The following ANKRD36 variants were observed in gnomAD, a reference collection of about 807,000 sequenced individuals.
ANKRD36 encodes ankyrin repeat domain-containing protein 36A.
Under a neutral mutation model 278.1 loss-of-function variants are expected in ANKRD36, and 179 were observed. The ratio of observed to expected loss-of-function variants is 0.64; its 90% CI spans 0.57 to 0.73. The LOEUF (loss-of-function observed/expected upper bound fraction) is 0.73, where lower values mean the gene tolerates loss of function less well. Among genes scored for constraint, ANKRD36 ranks in the 30% least tolerant of loss-of-function variants. ANKRD36 has a pLI of 0.00. For synonymous variants in ANKRD36, 320 were observed against 641.1 expected (o/e 0.50, Z 7.57); for missense variants, 1,159 against 1,956.7 (o/e 0.59, Z 7.69).
chr2:97,154,023 T>C (rs377506021), intron 14 of ANKRD36, among the ~76,000 whole-genome samples: 12 of 148,404 alleles, frequency 8.1e-5, no homozygotes, highest in South Asian at 2.1e-4. Flanking sequence ...TAATTTTTAA[T>C]GTTTTAATCT....
At chr2:97,261,535 G>A (rs1461391427) in intron 75 of ANKRD36, among the ~76,000 whole-genome samples, 1 of 126,350 alleles carries the variant, frequency 7.9e-6, no homozygotes, top group Non-Finnish European at 1.5e-5. Context: ...ATTTTTGAAT[G>A]TATTTAGACC....
chr2:97,134,857 A>G (rs2041081997), intron 6 of ANKRD36, among the ~76,000 whole-genome samples: 2 of 151,962 alleles, frequency 1.3e-5, no homozygotes, highest in African/African-American at 4.8e-5. Flanking sequence ...AGGAAACAAG[A>G]CTCAGATTGG....
At chr2:97,240,398 GT>G (rs1224894642) in intron 68 of ANKRD36, among the ~76,000 whole-genome samples, 3 of 149,576 alleles carry the variant, frequency 2.0e-5, no homozygotes, top group African/African-American at 7.4e-5. Context: ...TTCTTAGGAA[GT>G]TTCCTAGTAC....
chr2:97,131,426 T>C (rs2040120628), intron 6 of ANKRD36, among the ~76,000 whole-genome samples: 1 of 152,048 alleles, frequency 6.6e-6, no homozygotes, highest in Non-Finnish European at 1.5e-5. Context: ...CTCAAACTTT[T>C]GGCTTCAAGT....
At chr2:97,144,375 T>C in intron 8 of ANKRD36, 143 bp from the exon 9 acceptor site, 1 of 1,221,060 alleles carries the variant, frequency 8.2e-7, no homozygotes. Context: ...GTCATGTTCC[T>C]GTCCCAATAC....
intron 36 of ANKRD36, among the ~76,000 whole-genome samples, chr2:97,192,025 A>G (rs915189370): frequency 4.6e-5 from 7 of 151,732 alleles, no homozygotes; most frequent in African/African-American, 1.7e-4. Flanking sequence ...AGAAATAAAA[A>G]TTATGTTGGA....
At chr2:97,117,708 G>T (rs915374877) in intron 1 of ANKRD36, among the ~76,000 whole-genome samples, 21 of 152,016 alleles carry the variant, frequency 1.4e-4, no homozygotes, top group African/African-American at 4.8e-4. Flanking sequence ...ATTTGTGTTA[G>T]AAAGTGTTCT....
At chr2:97,178,439 CAAT>C (rs1224095166) in intron 22 of ANKRD36, among the ~76,000 whole-genome samples, 2 of 151,734 alleles carry the variant, frequency 1.3e-5, no homozygotes, top group African/African-American at 4.8e-5. Flanking sequence ...AAATGTCCAA[CAAT>C]GATAGACTGG....
At chr2:97,185,803 C>T (rs563707238) in intron 30 of ANKRD36, among the ~76,000 whole-genome samples, 8 of 151,834 alleles carry the variant, frequency 5.3e-5, no homozygotes, top group Non-Finnish European at 1.0e-4. Flanking sequence ...AATTCTACAG[C>T]ATGTTTTCAC....
rs760854784 is a variant in ANKRD36, at chr2:97,185,160, G to T, written c.1940-156G>T. ...TGAAACCTGTATTTCTTTTTTTTCAGTGTATTTCTGGTCATGTTCCAGTCC... is the reference window on the plus strand; with the variant it reads ...TGAAACCTGTATTTCTTTTTTTTCATTGTATTTCTGGTCATGTTCCAGTCC... On this transcript the variant is annotated intron_variant, in intron 28 of 75. Coordinates refer to ENST00000420699, the MANE Select transcript of ANKRD36 (RefSeq NM_001354587.1). Among the ~76,000 whole-genome samples, 28 of 151,462 alleles carry T rather than the reference G, an allele frequency of 1.8e-4. 1 individual carries two copies. Among genetic ancestry groups the T allele is most frequent in the South Asian group, 1.7e-3 (8 of 4,750 alleles).
At chr2:97,129,576 G>A (rs1435055799) in intron 6 of ANKRD36, among the ~76,000 whole-genome samples, 1 of 152,002 alleles carries the variant, frequency 6.6e-6, no homozygotes, top group Non-Finnish European at 1.5e-5. Flanking sequence ...TATTGCCTAG[G>A]TTTTCTTGTA....
At chr2:97,228,397 C>G (rs1285132282) in intron 67 of ANKRD36, among the ~76,000 whole-genome samples, 1 of 152,092 alleles carries the variant, frequency 6.6e-6, no homozygotes, top group Non-Finnish European at 1.5e-5. Flanking sequence ...TTATGCATTT[C>G]TTCTAGATTT....
At chr2:97,263,209 G>A (rs2076921915) in intron 75 of ANKRD36, among the ~76,000 whole-genome samples, 1 of 132,620 alleles carries the variant, frequency 7.5e-6, no homozygotes, top group Non-Finnish European at 1.5e-5. Context: ...AACAGTGAAG[G>A]CCATGCTGTT....
rs1468632403 is a variant in ANKRD36 at position 97,217,185 on chromosome 2, C to G, written c.3682C>G (p.Gln1228Glu). 8.4e-6 allele frequency: 13 copies of G among 1,551,164 alleles called. 1 individual carries two copies. The Admixed American group carries it at 2.5e-4, about 30-fold the overall frequency. The change falls in exon 63 of 76, where the codon CAG becomes GAG. Residue 1228 changes from glutamine to glutamate, a missense_variant. Physicochemically the swap from Gln to Glu is conservative, Grantham distance 29 (BLOSUM62 2). Coordinates refer to ENST00000420699, the MANE Select transcript of ANKRD36 (RefSeq NM_001354587.1). ...TTTCTTTTACTTTTCAGTGTCTCCT[C>G]AGAAACAATCGGCCCAGAAGGTAGT... ...DGQIRGTVSP[Q>E]KQSAQKVIFK...
In ANKRD36 at chr2:97,191,145, G is replaced by A. The variant is rs1346394715; in HGVS notation, c.2311G>A (p.Ala771Thr). Residue 771 changes from alanine to threonine, a missense_variant, in exon 36 of 76, where the codon GCC (alanine) becomes ACC (threonine). Physicochemically the swap from Ala to Thr is moderately conservative, Grantham distance 58 (BLOSUM62 0). Coordinates refer to ENST00000420699, the MANE Select transcript of ANKRD36 (RefSeq NM_001354587.1). Reference sequence around the variant, plus strand: ...TGAGAAAGATTCTGTTTCGAACATAGCCACAGAAATAAAGGATGGAGAAAA... The same window carrying A: ...TGAGAAAGATTCTGTTTCGAACATAACCACAGAAATAAAGGATGGAGAAAA... ...TDEKDSVSNI[A>T]TEIKDGEKSG... 1 of 1,598,888 alleles carries A rather than the reference G, an allele frequency of 6.3e-7. No homozygotes were observed. The highest frequency in any genetic ancestry group is 1.1e-5 in the South Asian group (1 of 89,416).
intron 48 of ANKRD36, among the ~76,000 whole-genome samples, chr2:97,203,743 G>A (rs866932215): frequency 2.0e-5 from 3 of 151,892 alleles, no homozygotes; most frequent in Non-Finnish European, 2.9e-5. Flanking sequence ...TGATTCTGAC[G>A]TGTATGAGTT....
intron 67 of ANKRD36, among the ~76,000 whole-genome samples, chr2:97,227,287 C>T (rs1332004917): frequency 6.6e-6 from 1 of 152,124 alleles, no homozygotes; most frequent in African/African-American, 2.4e-5. Context: ...TTGTTTGTAT[C>T]CTCTTTTATT....
chr2:97,195,532 G>A (rs1159161361), intron 40 of ANKRD36, among the ~76,000 whole-genome samples: 3 of 152,004 alleles, frequency 2.0e-5, no homozygotes, highest in African/African-American at 7.2e-5. Flanking sequence ...GCAGGAAACA[G>A]TGGTTGAATT....
At chr2:97,225,730 T>C (rs2069283023) in intron 67 of ANKRD36, among the ~76,000 whole-genome samples, 1 of 151,728 alleles carries the variant, frequency 6.6e-6, no homozygotes, top group East Asian at 2.0e-4. Context: ...ACCCATTAAC[T>C]CGTCATTTAG....
Sources: gnomAD v4.1 joint callset for allele counts (sites outside exome capture counted in the v4.1 genomes callset) on GRCh38, gnomAD v4.1.1 for gene constraint, MANE v1.5 for transcripts, NCBI Gene and HGNC (gene_info 2026-07-23, HGNC 2026-07-21) for gene names.